Variants in RASSF3 observed in about 807,000 individuals in gnomAD.
The protein encoded by RASSF3 is ras association domain-containing protein 3.
Under a neutral mutation model 19.9 loss-of-function variants are expected in RASSF3, and 19 were observed. The observed-to-expected ratio is 0.96, with a 90% CI of 0.67 to 1.40. The LOEUF (loss-of-function observed/expected upper bound fraction) is 1.40, where lower values mean the gene tolerates loss of function less well. Ranked by LOEUF, RASSF3 falls within the 40% of genes most tolerant of loss-of-function variation. The pLI is 0.00. For missense variants in RASSF3, 306 were observed against 289.8 expected, an observed-to-expected ratio of 1.06 and a Z score of -0.41; for synonymous variants, 110 against 104.2, an observed-to-expected ratio of 1.06 and a Z score of -0.34.
chr12:64,605,070 C>T (rs973643125), intron 2 of RASSF3, among the ~76,000 whole-genome samples: 7 of 151,940 alleles, frequency 4.6e-5, no homozygotes, highest in Admixed American at 2.0e-4. Flanking sequence ...ACTGCAACCT[C>T]CACCTCCCTG....
At chr12:64,681,790 AC>A (rs1873135644) in intron 1 of RASSF3, among the ~76,000 whole-genome samples, 1 of 152,260 alleles carries the variant, frequency 6.6e-6, no homozygotes. Context: ...AGGTGGGAGG[AC>A]TGCTTGAGCC....
intron 1 of RASSF3, among the ~76,000 whole-genome samples, chr12:64,512,945 T>C (rs1306660775): frequency 6.6e-6 from 1 of 152,150 alleles, no homozygotes; most frequent in African/African-American, 2.4e-5. Flanking sequence ...AAGACATTGC[T>C]TCTAAGGGTT....
At position 64,566,017 on chromosome 12, in the gene RASSF3, A is replaced by G. The variant is rs544891651; in HGVS notation, c.294+24312A>G. Among the ~76,000 whole-genome samples, 6 of 152,280 alleles carry G rather than the reference A, an allele frequency of 3.9e-5. No individual in the cohort carries two copies. In the East Asian group the frequency reaches 5.8e-4, roughly 15 times the overall value. On this transcript the variant is annotated intron_variant, in intron 2 of 5. Transcript: ENST00000637125. ...GGAGTTCGAGACCAGCCTGGCCAAC[A>G]TGGTGAAACACCATCTCTACTAAAA...
intron 1 of RASSF3, among the ~76,000 whole-genome samples, chr12:64,637,813 C>T (rs1308764032): frequency 6.6e-6 from 1 of 151,260 alleles, no homozygotes; most frequent in Non-Finnish European, 1.5e-5. Context: ...TGCTTTGTGC[C>T]CTTTTTCTAT....
Position 64,691,507 on chromosome 12 carries a change from C to A in RASSF3, c.495C>A (p.Leu165=), listed in dbSNP as rs747053745. ...ACKLSDREHP[L]YLRLVAGPRT... The stretch of plus-strand genomic sequence containing the variant: ...AGCTCTCAGACCGGGAACATCCACT[C>A]TACCTGCGTTTGGTAGCAGGGCCCA... Residue 165 remains leucine (L), a synonymous_variant, in exon 4 of 5, where the codon CTC becomes CTA. Transcript: ENST00000542104. The A allele has an allele frequency of 6.2e-7, 1 of 1,614,096 alleles. No individual in the cohort carries two copies. The highest frequency in any genetic ancestry group is 8.5e-7 in the Non-Finnish European group (1 of 1,179,918).
At chr12:64,603,174 G>T (rs374391364) in intron 2 of RASSF3, among the ~76,000 whole-genome samples, 2,872 of 147,254 alleles carry the variant, frequency 0.02, 74 homozygotes, top group African/African-American at 0.068. Context: ...TTTTTTTTTT[G>T]TTGTTGTTGT....
intron 2 of RASSF3, among the ~76,000 whole-genome samples, chr12:64,598,249 T>C (rs113527870): frequency 1.2e-4 from 19 of 152,326 alleles, no homozygotes; most frequent in African/African-American, 4.6e-4. Flanking sequence ...TTCTTCTGAC[T>C]TTGGCTTATA....
intron 2 of RASSF3, 26 bp from the exon 3 acceptor site, chr12:64,688,190 A>G (rs746949872): frequency 6.5e-6 from 10 of 1,541,320 alleles, no homozygotes; most frequent in Non-Finnish European, 9.0e-6. Flanking sequence ...CACCCAGCTA[A>G]GTGTGTGCTT....
chr12:64,521,513 T>A (rs1456724062), intron 1 of RASSF3, among the ~76,000 whole-genome samples: 1 of 152,208 alleles, frequency 6.6e-6, no homozygotes, highest in Non-Finnish European at 1.5e-5. Flanking sequence ...CAGAGAAGTC[T>A]GTCTTTTAAT....
chr12:64,656,657 A>G (rs1196351594), intron 1 of RASSF3, among the ~76,000 whole-genome samples: 1 of 152,160 alleles, frequency 6.6e-6, no homozygotes, highest in Non-Finnish European at 1.5e-5. Flanking sequence ...GCCTGAGTCT[A>G]TAAACTCAGA....
chr12:64,666,641 C>T (rs1023979579), intron 1 of RASSF3, among the ~76,000 whole-genome samples: 1 of 152,166 alleles, frequency 6.6e-6, no homozygotes, highest in Non-Finnish European at 1.5e-5. Flanking sequence ...CTTTACAAAG[C>T]AGTTTCCAGC....
chr12:64,530,837 C>G (rs1244795767), upstream of RASSF3, among the ~76,000 whole-genome samples: 1 of 152,128 alleles, frequency 6.6e-6, no homozygotes, highest in East Asian at 1.9e-4. Context: ...AGCATCTTTT[C>G]ATGTACTTGT....
At chr12:64,585,583 C>A (rs1321801724) in intron 2 of RASSF3, among the ~76,000 whole-genome samples, 1 of 148,860 alleles carries the variant, frequency 6.7e-6, no homozygotes, top group Non-Finnish European at 1.5e-5. Flanking sequence ...ACTGTTACTG[C>A]ATTTTGCTAG....
chr12:64,612,404 T>C (rs11175467), intron 1 of RASSF3, among the ~76,000 whole-genome samples: 10,507 of 152,138 alleles, frequency 0.069, 1,030 homozygotes, highest in African/African-American at 0.22. Flanking sequence ...CAGGTTTGAA[T>C]TGTATGAGAA....
intron 2 of RASSF3, among the ~76,000 whole-genome samples, chr12:64,603,080 C>T (rs1592414325): frequency 6.6e-6 from 1 of 151,026 alleles, no homozygotes; most frequent in South Asian, 2.1e-4. Flanking sequence ...GTCTGGGTGA[C>T]AGAGCAAAAC....
intron 1 of RASSF3, among the ~76,000 whole-genome samples, chr12:64,511,264 C>T (rs577644819): frequency 6.6e-6 from 1 of 152,234 alleles, no homozygotes; most frequent in African/African-American, 2.4e-5. Flanking sequence ...ATACCAAATG[C>T]ATACATGCTC....
At chr12:64,508,422 C>CAAGAG (rs1299490112) in intron 1 of RASSF3, among the ~76,000 whole-genome samples, 1 of 151,444 alleles carries the variant, frequency 6.6e-6, no homozygotes, top group Non-Finnish European at 1.5e-5. Flanking sequence ...GAGACTGAGG[C>CAAGAG]AAGAGAATCA....
intron 1 of RASSF3, among the ~76,000 whole-genome samples, chr12:64,632,566 G>T (rs1871203050): frequency 6.6e-6 from 1 of 152,108 alleles, no homozygotes. Flanking sequence ...TGATCGACCA[G>T]GGTGAGGGGA....
intron 1 of RASSF3, among the ~76,000 whole-genome samples, chr12:64,673,483 T>C (rs1592461281): frequency 6.6e-6 from 1 of 152,310 alleles, no homozygotes; most frequent in East Asian, 1.9e-4. Flanking sequence ...GTGGCCTCTT[T>C]TAATAATCAG....
Sources: gnomAD v4.1 joint callset for allele counts (sites outside exome capture counted in the v4.1 genomes callset) on GRCh38, gnomAD v4.1.1 for gene constraint, MANE v1.5 for transcripts, NCBI Gene and HGNC (gene_info 2026-07-23, HGNC 2026-07-21) for gene names.